Variants in NCOA3 observed in about 807,000 individuals in gnomAD.
NCOA3 encodes nuclear receptor coactivator 3.
In NCOA3, 51 loss-of-function variants were observed where a neutral mutation model predicts 158.8. The ratio of observed to expected loss-of-function variants is 0.32; its 90% CI spans 0.26 to 0.41. The LOEUF (loss-of-function observed/expected upper bound fraction) is 0.41. NCOA3 is among the 10% of genes least tolerant of loss of function. The probability of loss-of-function intolerance (pLI) is 1.00; values close to 1 mark genes in which losing one functional copy is unlikely to be tolerated. For missense variants in NCOA3, 1,510 were observed against 1,746.6 expected (o/e 0.86, Z 2.41); for synonymous variants, 537 against 592.4 (o/e 0.91, Z 1.36).
Position 47,541,985 on chromosome 20 carries a change from T to C in NCOA3, c.-99+39966T>C, listed in dbSNP as rs527884769. Among the ~76,000 whole-genome samples, 21 of 147,384 alleles carry C rather than the reference T, an allele frequency of 1.4e-4. No homozygotes were observed. The South Asian group carries it at 3.9e-3, about 28-fold the overall frequency. ...TCATCTCTTTTTTCCTTCCAATTTATCAAATTATTTTTTGCCCTGTAGAGT... is the reference window on the plus strand; with the variant it reads ...TCATCTCTTTTTTCCTTCCAATTTACCAAATTATTTTTTGCCCTGTAGAGT... On this transcript the variant is annotated intron_variant, in intron 1 of 22. Coordinates refer to ENST00000371998, the MANE Select transcript of NCOA3 (RefSeq NM_181659.3).
chr20:47,517,984 C>A (rs2084262630), intron 1 of NCOA3, among the ~76,000 whole-genome samples: 1 of 152,108 alleles, frequency 6.6e-6, no homozygotes, highest in Admixed American at 6.6e-5. Flanking sequence ...CCAAGCAAAT[C>A]CCTAGGAATA....
chr20:47,572,812 C>T (rs1602422240), intron 1 of NCOA3, among the ~76,000 whole-genome samples: 1 of 152,162 alleles, frequency 6.6e-6, no homozygotes, highest in East Asian at 1.9e-4. Flanking sequence ...GCTGGAATTA[C>T]AGGGGTGCGC....
chr20:47,590,944 A>G (rs369368357), intron 2 of NCOA3, among the ~76,000 whole-genome samples: 7 of 152,058 alleles, frequency 4.6e-5, no homozygotes, highest in African/African-American at 7.2e-5. Context: ...ACCTCTCTCT[A>G]CTAAAAACGT....
rs2086832591 is a variant in NCOA3 at position 47,653,663 on chromosome 20, G to C, written c.*246G>C. 1.6e-5 allele frequency: 8 copies of C among 501,838 alleles called. No homozygotes were observed. The highest frequency in any genetic ancestry group is 2.5e-5 in the Non-Finnish European group (7 of 284,048). 31.1% of individuals were successfully genotyped at this position (501,838 alleles called of 1,614,324 possible). A position where few individuals can be genotyped will look rare whatever the true frequency, so the allele number is the denominator to read the frequency against. On this transcript the variant is annotated 3_prime_UTR_variant, in exon 23 of 23. Coordinates refer to ENST00000371998, the MANE Select transcript of NCOA3 (RefSeq NM_181659.3). ...GTGTTCAAAACAGAAATGTTTTTTG[G>C]CATTCCACCTCCTAGGGATATAATT...
At chr20:47,618,370 T>TTTTTA (rs1555811916) in intron 2 of NCOA3, among the ~76,000 whole-genome samples, 2,733 of 141,890 alleles carry the variant, frequency 0.019, 91 homozygotes, top group Middle Eastern at 0.032. Flanking sequence ...TTTTTTTTTT[T>TTTTTA]ATAGACAGAA....
chr20:47,566,463 A>T (rs529037193), intron 1 of NCOA3, among the ~76,000 whole-genome samples: 1 of 152,202 alleles, frequency 6.6e-6, no homozygotes, highest in South Asian at 2.1e-4. Flanking sequence ...AGCCCTTCCC[A>T]GACCTGAAAT....
chr20:47,588,484 G>T (rs953966997), intron 2 of NCOA3, among the ~76,000 whole-genome samples: 2 of 151,936 alleles, frequency 1.3e-5, no homozygotes, highest in South Asian at 4.2e-4. Context: ...ACTAGTTAGG[G>T]TATTCATTTG....
rs555753870 is a variant in NCOA3 at position 47,650,259 on chromosome 20, CT to C, written c.3652-706del. 7.6e-3 allele frequency among the ~76,000 whole-genome samples: 990 copies of C among 131,016 alleles called. 2 individuals carry two copies. The highest frequency in any genetic ancestry group is 0.018 in the African/African-American group (643 of 35,256). The allele number at this position is 131,016 out of a possible 152,430, so 86.0% of individuals were successfully genotyped here. A position where few individuals can be genotyped will look rare whatever the true frequency, so the allele number is the denominator to read the frequency against. On this transcript the variant is annotated intron_variant, in intron 19 of 22. Coordinates refer to ENST00000371998, the MANE Select transcript of NCOA3 (RefSeq NM_181659.3). Reference sequence around the variant, plus strand: ...CCCTCCCCTTGCAATAGCCAGAAAGCTTTTTTTTTTTTTTTTTGAGAGTCAC... The same window carrying C: ...CCCTCCCCTTGCAATAGCCAGAAAGCTTTTTTTTTTTTTTTTGAGAGTCAC...
At chr20:47,644,169 T>G (rs1170045496) in intron 17 of NCOA3, among the ~76,000 whole-genome samples, 1 of 151,896 alleles carries the variant, frequency 6.6e-6, no homozygotes, top group African/African-American at 2.4e-5. Context: ...AGACGGAGTC[T>G]CGCTCTGTCG....
intron 1 of NCOA3, among the ~76,000 whole-genome samples, chr20:47,574,362 T>A (rs2085340635): frequency 6.6e-6 from 1 of 152,114 alleles, no homozygotes; most frequent in Non-Finnish European, 1.5e-5. Flanking sequence ...TGAATTGAAA[T>A]GTGTAAAGAA....
Position 47,647,124 on chromosome 20 carries a change from G to A in NCOA3, c.3304G>A (p.Val1102Ile), listed in dbSNP as rs1412350086. The A allele has an allele frequency of 1.2e-6, 2 of 1,614,224 alleles. No individual in the cohort carries two copies. The highest frequency in any genetic ancestry group is 1.7e-6 in the Non-Finnish European group (2 of 1,180,036). Reference sequence around the variant, plus strand: ...TGCTTTCCAAGGCCAAGAAGCAGCAGTAATGATGGATCAGAAGGCAGGATT... The same window carrying A: ...TGCTTTCCAAGGCCAAGAAGCAGCAATAATGATGGATCAGAAGGCAGGATT... ...QDAFQGQEAAVMMDQKAGLYG... is the reference protein window; with the variant it reads ...QDAFQGQEAAIMMDQKAGLYG... Residue 1102 changes from valine (V) to isoleucine (I), a missense_variant, in exon 18 of 23, where the codon GTA (valine) becomes ATA (isoleucine). Transcript: ENST00000371998.
intron 2 of NCOA3, among the ~76,000 whole-genome samples, chr20:47,588,060 C>T (rs1037797506): frequency 6.6e-6 from 1 of 151,584 alleles, no homozygotes; most frequent in Non-Finnish European, 1.5e-5. Context: ...CCCAATTTTA[C>T]CCAAGACCGA....
Position 47,605,305 on chromosome 20 carries a change from C to T in NCOA3, c.-19-16924C>T, listed in dbSNP as rs375279497. Reference sequence around the variant, plus strand: ...CCTATACCTCTGTTTTTGTTGCCTTCATACATTTACACCATGCTTTCAGTC... The same window carrying T: ...CCTATACCTCTGTTTTTGTTGCCTTTATACATTTACACCATGCTTTCAGTC... On this transcript the variant is annotated intron_variant, in intron 2 of 22. Coordinates refer to ENST00000371998, the MANE Select transcript of NCOA3 (RefSeq NM_181659.3). Among the ~76,000 whole-genome samples the T allele has an allele frequency of 1.6e-4, 25 of 152,216 alleles. No individual in the cohort carries two copies. The East Asian group carries it at 2.7e-3, about 16-fold the overall frequency.
chr20:47,618,369 T>TTA (rs2086175775), intron 2 of NCOA3, among the ~76,000 whole-genome samples: 1 of 145,946 alleles, frequency 6.9e-6, no homozygotes, highest in East Asian at 2.0e-4. Context: ...TTTTTTTTTT[T>TTA]TATAGACAGA....
chr20:47,573,712 T>C (rs1377530330), intron 1 of NCOA3, among the ~76,000 whole-genome samples: 1 of 152,220 alleles, frequency 6.6e-6, no homozygotes, highest in Non-Finnish European at 1.5e-5. Context: ...AGAGGGAGTA[T>C]GAAAAACTAA....
At chr20:47,546,689 G>A (rs1239689377) in intron 1 of NCOA3, among the ~76,000 whole-genome samples, 6 of 152,018 alleles carry the variant, frequency 3.9e-5, no homozygotes, top group African/African-American at 1.4e-4. Context: ...GTGCTACCAC[G>A]CCCAGCTAAT....
At chr20:47,515,472 C>CTTTTTTTTTTTT (rs111350575) in intron 1 of NCOA3, among the ~76,000 whole-genome samples, 4 of 130,028 alleles carry the variant, frequency 3.1e-5, no homozygotes, top group Non-Finnish European at 6.6e-5. Flanking sequence ...TTCTTTCTTT[C>CTTTTTTTTTTTT]TTTTTTTTTT....
intron 2 of NCOA3, among the ~76,000 whole-genome samples, chr20:47,593,634 C>T (rs1049193683): frequency 2.0e-5 from 3 of 152,088 alleles, no homozygotes; most frequent in African/African-American, 2.4e-5. Flanking sequence ...TGAGCCACTG[C>T]GCCTGGCCAA....
chr20:47,535,020 T>C (rs1157672691), intron 1 of NCOA3, among the ~76,000 whole-genome samples: 2 of 90,068 alleles, frequency 2.2e-5, no homozygotes, highest in East Asian at 6.5e-4. Flanking sequence ...CCCAGGCTTG[T>C]TTTTTTTTTT....
Sources: allele counts gnomAD v4.1 joint callset (sites outside exome capture counted in the v4.1 genomes callset), GRCh38; gene constraint gnomAD v4.1.1; transcripts MANE v1.5; gene names NCBI Gene and HGNC (gene_info 2026-07-23, HGNC 2026-07-21).